SETBP1: variants seen among roughly 807,000 people sequenced by gnomAD.
SETBP1 encodes SET binding protein 1.
Under a neutral mutation model 101.0 loss-of-function variants are expected in SETBP1, and 9 were observed. That is an observed-to-expected ratio of 0.09 (90% CI 0.05 to 0.16). The LOEUF is 0.16. Ranked by LOEUF, SETBP1 falls within the 10% of genes least tolerant of loss-of-function variation. SETBP1 has a pLI of 1.00. For missense variants in SETBP1, 1,858 were observed against 2,033.8 expected, an observed-to-expected ratio of 0.91 and a Z score of 1.66; for synonymous variants, 818 against 788.5, an observed-to-expected ratio of 1.04 and a Z score of -0.63.
At chr18:44,964,913 T>C (rs1006527514) in intron 4 of SETBP1, among the ~76,000 whole-genome samples, 20 of 152,220 alleles carry the variant, frequency 1.3e-4, no homozygotes, top group Non-Finnish European at 1.8e-4. Context: ...TCCTTCTGCA[T>C]GTTGTGTCAT....
At chr18:44,691,154 T>C (rs937958720) in intron 1 of SETBP1, among the ~76,000 whole-genome samples, 2 of 152,150 alleles carry the variant, frequency 1.3e-5, no homozygotes, top group Non-Finnish European at 2.9e-5. Flanking sequence ...CTAAGAGGCT[T>C]TGTAATCATA....
intron 3 of SETBP1, among the ~76,000 whole-genome samples, chr18:44,907,883 G>A (rs1186024820): frequency 1.3e-5 from 2 of 151,972 alleles, no homozygotes; most frequent in African/African-American, 2.4e-5. Flanking sequence ...TCATGCTTTG[G>A]TGTCATATCT....
At position 45,009,551 on chromosome 18, in the gene SETBP1, C is replaced by T. The variant is rs1028321804; in HGVS notation, c.4001-28934C>T. Among the ~76,000 whole-genome samples the T allele has an allele frequency of 5.3e-5, 8 of 151,892 alleles. No homozygotes were observed. The East Asian group carries it at 1.6e-3, about 29-fold the overall frequency. ...TCATTCAGTCTGATTCATTATCATT[C>T]ATGGGTTTGCTCAGGCCCTTGGCTA... On this transcript the variant is annotated intron_variant, in intron 4 of 5. Transcript: ENST00000649279.
intron 4 of SETBP1, among the ~76,000 whole-genome samples, chr18:44,995,411 G>T (rs1035949709): frequency 6.6e-6 from 1 of 152,010 alleles, no homozygotes; most frequent in Non-Finnish European, 1.5e-5. Flanking sequence ...TAAGTGCTGG[G>T]ATTATAGGCG....
intron 3 of SETBP1, chr18:44,870,341 A>C (rs676930): frequency 0.49 from 74,410 of 152,068 alleles, 18,943 homozygotes; most frequent in Non-Finnish European, 0.56. Flanking sequence ...CCTGATGCAC[A>C]GTGGCCCCAG....
At chr18:44,897,602 C>T (rs1599292457) in intron 3 of SETBP1, among the ~76,000 whole-genome samples, 2 of 152,054 alleles carry the variant, frequency 1.3e-5, no homozygotes, top group South Asian at 4.1e-4. Context: ...GTGTGGGAAA[C>T]ACTGCAGGTG....
chr18:44,900,149 C>G (rs1052733751), intron 3 of SETBP1, among the ~76,000 whole-genome samples: 1 of 152,182 alleles, frequency 6.6e-6, no homozygotes, highest in Non-Finnish European at 1.5e-5. Flanking sequence ...TCAGTGGTTT[C>G]AAAGTGTGAT....
At chr18:44,880,795 CAA>C (rs1350589837) in intron 3 of SETBP1, among the ~76,000 whole-genome samples, 1 of 152,098 alleles carries the variant, frequency 6.6e-6, no homozygotes, top group Non-Finnish European at 1.5e-5. Context: ...GAGGACAGCC[CAA>C]GTCATTCATG....
Position 45,067,989 on chromosome 18 carries a change from G to A in SETBP1, c.*4291G>A, listed in dbSNP as rs906379454. 6.6e-6 allele frequency: 1 copy of A among 151,964 alleles called. No homozygotes were observed. Among genetic ancestry groups the A allele is most frequent in the Non-Finnish European group, 1.5e-5 (1 of 68,020 alleles). The allele number at this position is 151,964 out of a possible 1,614,324, so 9.4% of individuals were successfully genotyped here. ...ATCTATTTCTTAAATAATAATAAAT[G>A]CACATGATGTGTTAAATATGTACAT... is the stretch of plus-strand genomic sequence containing the variant. On this transcript the variant is annotated 3_prime_UTR_variant, in exon 6 of 6. Transcript: ENST00000649279.
In SETBP1 at chr18:44,706,268, C is replaced by T. The variant is rs139110396; in HGVS notation, c.486+4436C>T. On this transcript the variant is annotated intron_variant, in intron 2 of 5. Transcript: ENST00000649279. ...GGTGATTAGATTAAAACAACAGAGA[C>T]CATGAAGATGAGTCTCTGGAAGAAT... 3.6e-3 allele frequency among the ~76,000 whole-genome samples: 548 copies of T among 152,134 alleles called. 6 individuals are homozygous for T. Among genetic ancestry groups the T allele is most frequent in the Middle Eastern group, 0.014 (4 of 294 alleles).
intron 2 of SETBP1, among the ~76,000 whole-genome samples, chr18:44,726,741 A>G (rs994863448): frequency 1.3e-5 from 2 of 152,194 alleles, no homozygotes; most frequent in African/African-American, 2.4e-5. Context: ...TAAAGGCCCT[A>G]TTTTTAATAA....
intron 2 of SETBP1, among the ~76,000 whole-genome samples, chr18:44,814,500 C>G (rs1448311609): frequency 6.6e-6 from 1 of 152,190 alleles, no homozygotes; most frequent in East Asian, 1.9e-4. Context: ...GACATACTGT[C>G]TGTTAGTCTA....
chr18:44,773,452 A>G (rs536595841), intron 2 of SETBP1, among the ~76,000 whole-genome samples: 1 of 152,326 alleles, frequency 6.6e-6, no homozygotes, highest in African/African-American at 2.4e-5. Flanking sequence ...GACACTGCAG[A>G]GCTGACTCCA....
intron 2 of SETBP1, among the ~76,000 whole-genome samples, chr18:44,780,946 G>A (rs1329347663): frequency 6.6e-6 from 1 of 152,108 alleles, no homozygotes; most frequent in Non-Finnish European, 1.5e-5. Context: ...GGCTGGCGGG[G>A]GAAAGAGTTC....
At chr18:44,971,083 T>C (rs1304426510) in intron 4 of SETBP1, among the ~76,000 whole-genome samples, 1 of 151,366 alleles carries the variant, frequency 6.6e-6, no homozygotes, top group Admixed American at 6.6e-5. Flanking sequence ...TGTCCATGTA[T>C]TCTCATTGTT....
At chr18:44,823,417 G>A (rs1160174142) in intron 2 of SETBP1, among the ~76,000 whole-genome samples, 1 of 152,144 alleles carries the variant, frequency 6.6e-6, no homozygotes, top group Non-Finnish European at 1.5e-5. Flanking sequence ...CTAACAATAA[G>A]CAGTTATATT....
rs139653244 is a variant in SETBP1, at chr18:44,807,979, C to T, written c.487-61251C>T. ...GGGTCAACAAAGCCATCAGAACCTA[C>T]GAATAGGCAGTGGAATCTTCATATC... On this transcript the variant is annotated intron_variant, in intron 2 of 5. Transcript: ENST00000649279. Among the ~76,000 whole-genome samples, 902 of 152,268 alleles carry T rather than the reference C, an allele frequency of 5.9e-3. 16 individuals are homozygous for T. Among genetic ancestry groups the T allele is most frequent in the Non-Finnish European group, 4.3e-3 (292 of 68,018 alleles).
At position 44,852,787 on chromosome 18, in the gene SETBP1, C is replaced by T. The variant is rs1437983367; in HGVS notation, c.487-16443C>T. 7.9e-5 allele frequency among the ~76,000 whole-genome samples: 12 copies of T among 152,332 alleles called. No individual in the cohort carries two copies. In the South Asian group the frequency reaches 8.3e-4, roughly 11 times the overall value. On this transcript the variant is annotated intron_variant, in intron 2 of 5. Coordinates refer to ENST00000649279, the MANE Select transcript of SETBP1 (RefSeq NM_015559.3). ...CTCTGTCATTCTGCCATGTAAGCAT[C>T]TACCAGCTTCTCCTTCCCCTCACTG...
intron 3 of SETBP1, among the ~76,000 whole-genome samples, chr18:44,921,641 G>A (rs1390867333): frequency 6.6e-6 from 1 of 152,146 alleles, no homozygotes; most frequent in Non-Finnish European, 1.5e-5. Context: ...GTCATTGCTT[G>A]GATCTGCGCT....
Sources: gnomAD v4.1 joint callset for allele counts (sites outside exome capture counted in the v4.1 genomes callset) on GRCh38, gnomAD v4.1.1 for gene constraint, MANE v1.5 for transcripts, NCBI Gene and HGNC (gene_info 2026-07-23, HGNC 2026-07-21) for gene names.